Variants in GIT2 observed in about 807,000 individuals in gnomAD.
GIT2 encodes the protein ARF GTPase-activating protein GIT2.
Under a neutral mutation model 100.3 loss-of-function variants are expected in GIT2, and 32 were observed. That is an observed-to-expected ratio of 0.32 (90% CI 0.24 to 0.43). The LOEUF (loss-of-function observed/expected upper bound fraction) is 0.43. GIT2 is among the 20% of genes least tolerant of loss of function. The probability of loss-of-function intolerance (pLI) is 1.00; values close to 1 mark genes in which losing one functional copy is unlikely to be tolerated. For synonymous variants in GIT2, 353 were observed against 364.1 expected, an observed-to-expected ratio of 0.97 and a Z score of 0.35; for missense variants, 737 against 975.1, an observed-to-expected ratio of 0.76 and a Z score of 3.25.
At chr12:109,938,887 T>C (rs996675505) in intron 17 of GIT2, 1 of 493,170 alleles carries the variant, frequency 2.0e-6, no homozygotes, top group African/African-American at 1.9e-5. Flanking sequence ...GAATGTAACC[T>C]AATGTTGTCT....
At chr12:109,980,526 C>G (rs1239378442) in intron 7 of GIT2, among the ~76,000 whole-genome samples, 1 of 152,102 alleles carries the variant, frequency 6.6e-6, no homozygotes, top group African/African-American at 2.4e-5. Context: ...TTTGCTGACC[C>G]CTGTTCCCTA....
rs764770304 is a variant in GIT2 at position 109,947,256 on chromosome 12, G to A, written c.1641C>T (p.His547=). The A allele has an allele frequency of 2.5e-6, 4 of 1,612,062 alleles. No individual in the cohort carries two copies. Among genetic ancestry groups the A allele is most frequent in the African/African-American group, 2.7e-5 (2 of 75,008 alleles). The change falls in exon 15 of 20, where the codon CAC becomes CAT. Residue 547 remains histidine, a splice_region_variant and synonymous_variant. Transcript: ENST00000355312. This position sits in a 1 kb window ranked among gnomAD's most constrained non-coding sequence, Gnocchi z 4.3. ...SRMRLQPFPA[H]IGRSALVTSS... ...CAGAAGCGCCAGTGGTGTTACTTACGTGCGCGGGGAAGGGCTGGAGTCTCA... is the reference window on the plus strand; with the variant it reads ...CAGAAGCGCCAGTGGTGTTACTTACATGCGCGGGGAAGGGCTGGAGTCTCA...
chr12:110,000,093 A>C (rs1316027594), upstream of GIT2, among the ~76,000 whole-genome samples: 1 of 152,186 alleles, frequency 6.6e-6, no homozygotes, highest in Non-Finnish European at 1.5e-5. Context: ...CCCGCTGATA[A>C]ATGCCAAGTC....
At chr12:109,958,398 C>A (rs145967716) in intron 12 of GIT2, among the ~76,000 whole-genome samples, 22 of 152,114 alleles carry the variant, frequency 1.4e-4, no homozygotes, top group African/African-American at 5.1e-4. Flanking sequence ...CGTACCACCA[C>A]GCCCAGCTAA....
chr12:109,957,638 C>G (rs1388457325), intron 12 of GIT2, among the ~76,000 whole-genome samples: 2 of 151,712 alleles, frequency 1.3e-5, no homozygotes. Context: ...TCCCGAGTAG[C>G]TGGGACCACA....
upstream of GIT2, chr12:109,999,632 C>A: frequency 2.1e-6 from 3 of 1,426,734 alleles, no homozygotes; most frequent in African/African-American, 1.5e-5. The surrounding 1 kb of genome is among the most constrained non-coding windows in gnomAD (Gnocchi z 4.3). Flanking sequence ...CGCGGGAGAC[C>A]CCGCCGGGGC....
At chr12:109,994,765 A>G (rs548517918) in intron 1 of GIT2, among the ~76,000 whole-genome samples, 2 of 152,380 alleles carry the variant, frequency 1.3e-5, no homozygotes, top group Admixed American at 1.3e-4. Flanking sequence ...AGCTAGACAC[A>G]TGTGAATCAA....
At chr12:109,963,812 CAAGT>C (rs1290918888) in intron 9 of GIT2, among the ~76,000 whole-genome samples, 1 of 152,174 alleles carries the variant, frequency 6.6e-6, no homozygotes, top group East Asian at 1.9e-4. Context: ...TGAGGGTCAA[CAAGT>C]AATGGGGCAG....
intron 13 of GIT2, 107 bp from the exon 14 acceptor site, chr12:109,951,423 A>G (rs1346786388): frequency 1.0e-5 from 9 of 875,874 alleles, no homozygotes; most frequent in African/African-American, 1.7e-5. Flanking sequence ...TTGCAAAGTT[A>G]GTCAAACCAA....
intron 7 of GIT2, 39 bp downstream of exon 7, chr12:109,980,913 C>T (rs1409711048): frequency 1.6e-6 from 2 of 1,263,488 alleles, no homozygotes; most frequent in Non-Finnish European, 2.3e-6. Flanking sequence ...AGAACCTTCC[C>T]AACTGGAGAT....
chr12:109,958,095 C>T (rs1880020635), intron 12 of GIT2, among the ~76,000 whole-genome samples: 1 of 151,600 alleles, frequency 6.6e-6, no homozygotes, highest in South Asian at 2.1e-4. Context: ...TAGGTACCCA[C>T]CACCATGCCT....
Position 109,947,164 on chromosome 12 carries a change from G to T in GIT2, c.1641+92C>A. On this transcript the variant is annotated intron_variant, in intron 15 of 19. Transcript: ENST00000355312. This position sits in a 1 kb window ranked among gnomAD's most constrained non-coding sequence, Gnocchi z 4.3. ...AACTCTCTTAGTCCAATTTGGCAAA[G>T]CAGAGCTGTGGGGACCTGTAGGTTC... The T allele has an allele frequency of 7.8e-7, 1 of 1,276,034 alleles. No homozygotes were observed. The highest frequency in any genetic ancestry group is 1.1e-6 in the Non-Finnish European group (1 of 911,034). 79.0% of individuals were successfully genotyped at this position (1,276,034 alleles called of 1,614,324 possible).
At chr12:109,939,337 G>A (rs1379391714) in intron 16 of GIT2, 90 bp from the exon 17 acceptor site, 1 of 765,878 alleles carries the variant, frequency 1.3e-6, no homozygotes, top group Non-Finnish European at 2.4e-6. Flanking sequence ...TTAGGCTACT[G>A]GCCTTCACAT....
rs2136098490 is a variant in GIT2 at position 109,930,286 on chromosome 12, TCAGTC to T, written c.*2687_*2691del. ...TAGAGGTACAGCTGTTTCCTTCTGT[TCAGTC>T]AAGTGCCAGTTTCATAAAGTGCACC... On this transcript the variant is annotated 3_prime_UTR_variant, in exon 20 of 20. Transcript: ENST00000355312. The T allele has an allele frequency of 6.5e-6, 1 of 152,872 alleles. No homozygotes were observed. The highest frequency in any genetic ancestry group is 2.1e-4 in the South Asian group (1 of 4,832). The allele number at this position is 152,872 out of a possible 1,614,324, so 9.5% of individuals were successfully genotyped here.
At chr12:109,972,617 C>T (rs1260334010) in intron 7 of GIT2, among the ~76,000 whole-genome samples, 1 of 152,070 alleles carries the variant, frequency 6.6e-6, no homozygotes, top group Non-Finnish European at 1.5e-5. Context: ...GCATGCACCA[C>T]CATGCCCAGT....
chr12:109,999,418 A>C (rs1262727037), upstream of GIT2: 1 of 192,424 alleles, frequency 5.2e-6, no homozygotes, highest in African/African-American at 2.4e-5. This position sits in a 1 kb window ranked among gnomAD's most constrained non-coding sequence, Gnocchi z 4.3. Context: ...TGTTTGGGGC[A>C]GTTAGGTCCG....
intron 1 of GIT2, among the ~76,000 whole-genome samples, chr12:109,993,902 T>C (rs1593173624): frequency 6.6e-6 from 1 of 151,916 alleles, no homozygotes; most frequent in East Asian, 1.9e-4. Flanking sequence ...GATGTGATCA[T>C]GGTTAAATGT....
chr12:109,980,043 C>T (rs76005971), intron 7 of GIT2, among the ~76,000 whole-genome samples: 2 of 152,126 alleles, frequency 1.3e-5, no homozygotes, highest in African/African-American at 4.8e-5. Flanking sequence ...AATAATTGGG[C>T]GCGGCTTTCT....
chr12:109,955,416 G>A (rs950319503), intron 12 of GIT2, among the ~76,000 whole-genome samples: 1 of 152,100 alleles, frequency 6.6e-6, no homozygotes. Context: ...GTGAGCCACC[G>A]CACCCAGCCT....
Sources: allele counts gnomAD v4.1 joint callset (sites outside exome capture counted in the v4.1 genomes callset), GRCh38; gene constraint gnomAD v4.1.1; non-coding constraint Gnocchi (gnomAD v3.1); transcripts MANE v1.5; gene names NCBI Gene and HGNC (gene_info 2026-07-23, HGNC 2026-07-21).